Variants in TSPEAR observed in about 807,000 individuals in gnomAD.
TSPEAR encodes the protein thrombospondin type laminin G domain and EAR repeats.
TSPEAR carries 69 observed loss-of-function variants against 71.6 expected under a neutral mutation model. The observed-to-expected ratio is 0.96, with a 90% CI of 0.79 to 1.18. TSPEAR has a LOEUF of 1.18. TSPEAR is among the 50% of genes most tolerant of loss of function. TSPEAR has a pLI of 0.00. For missense variants in TSPEAR, 971 were observed against 894.9 expected (o/e 1.09, Z -1.09); for synonymous variants, 402 against 387.2 (o/e 1.04, Z -0.45).
intron 1 of TSPEAR, chr21:44,627,796 TGCTGCCAGCAGTCTG>T (rs782778184): frequency 6.2e-7 from 1 of 1,600,668 alleles, no homozygotes; most frequent in Non-Finnish European, 8.5e-7. Flanking sequence ...TTCCTCTTTG[TGCTGCCAGCAGTCTG>T]GCTGCCAGCC....
chr21:44,531,688 G>C (rs782317524), intron 3 of TSPEAR, among the ~76,000 whole-genome samples: 24 of 152,144 alleles, frequency 1.6e-4, no homozygotes, highest in South Asian at 4.1e-4. Flanking sequence ...ACCTGCACAG[G>C]GTCCTCCAGC....
chr21:44,547,667 G>A (rs1040718030), intron 2 of TSPEAR, among the ~76,000 whole-genome samples: 2 of 152,172 alleles, frequency 1.3e-5, no homozygotes, highest in Non-Finnish European at 2.9e-5. Context: ...TTAAACGCCT[G>A]GAATCAAAAA....
chr21:44,646,223 A>T (rs1329229585), intron 1 of TSPEAR, among the ~76,000 whole-genome samples: 1 of 151,770 alleles, frequency 6.6e-6, no homozygotes, highest in Non-Finnish European at 1.5e-5. Flanking sequence ...CCTGCGACAT[A>T]CATACCAGTT....
intron 2 of TSPEAR, chr21:44,558,091 C>T (rs587708489): frequency 2.4e-5 from 38 of 1,612,572 alleles, no homozygotes; most frequent in East Asian, 1.3e-4. Context: ...CCGCAGCACG[C>T]GGAAGAGAGG....
intron 9 of TSPEAR, among the ~76,000 whole-genome samples, chr21:44,511,310 CAT>C (rs1439057655): frequency 4.6e-5 from 7 of 152,214 alleles, no homozygotes; most frequent in Non-Finnish European, 7.3e-5. Flanking sequence ...CGCACACACA[CAT>C]GCACGCCTGC....
At chr21:44,617,578 G>A (rs17282700) in intron 1 of TSPEAR, among the ~76,000 whole-genome samples, 1,702 of 152,376 alleles carry the variant, frequency 0.011, 15 homozygotes, top group Non-Finnish European at 0.016. Context: ...TGCAGGCAAG[G>A]GATGCTGGCA....
rs569483298 is a variant in TSPEAR at position 44,683,755 on chromosome 21, A to G, written c.82+27678T>C. On this transcript the variant is annotated intron_variant, in intron 1 of 11. Transcript: ENST00000323084. ...AAACCTGATATGGTCTAGATATTGG[A>G]CATGGCAAATGATGACTGTAAGCAG... 2.8e-4 allele frequency among the ~76,000 whole-genome samples: 42 copies of G among 152,352 alleles called. 1 individual carries two copies. The South Asian group carries it at 3.1e-3, about 11-fold the overall frequency.
At chr21:44,543,396 A>G (rs1285137861) in intron 2 of TSPEAR, among the ~76,000 whole-genome samples, 1 of 152,250 alleles carries the variant, frequency 6.6e-6, no homozygotes, top group African/African-American at 2.4e-5. Flanking sequence ...GAGACTTTAA[A>G]AAGTCATGGA....
chr21:44,584,047 T>G (rs1160158213), intron 1 of TSPEAR, among the ~76,000 whole-genome samples: 2 of 152,234 alleles, frequency 1.3e-5, no homozygotes, highest in Non-Finnish European at 2.9e-5. Context: ...ACACCTGTAT[T>G]AATAATCGCT....
chr21:44,533,921 C>T lies in TSPEAR; in HGVS notation c.306G>A (p.Arg102=), dbSNP rs782275376. ...TLRVPNLPPK[R]NEYLLTVVAE... ...CCACCACCGTCAGCAGGTACTCGTTCCTCTGTGGAGAGCGGGCCAGGCTCA... is the reference window on the plus strand; with the variant it reads ...CCACCACCGTCAGCAGGTACTCGTTTCTCTGTGGAGAGCGGGCCAGGCTCA... The change falls in exon 3 of 12, where the codon AGG becomes AGA. Residue 102 remains arginine, a splice_region_variant and synonymous_variant. Coordinates refer to ENST00000323084, the MANE Select transcript of TSPEAR (RefSeq NM_144991.3). The T allele has an allele frequency of 1.9e-6, 3 of 1,610,452 alleles. No individual in the cohort carries two copies. The highest frequency in any genetic ancestry group is 2.7e-5 in the African/African-American group (2 of 74,572).
chr21:44,498,412 A>G lies in TSPEAR; in HGVS notation c.*1371T>C. ...TGGGAAAGCCTTGCTGGCTGGACGG[A>G]GGGGAAGGAGGCTCTCGGCGACTGC... On this transcript the variant is annotated 3_prime_UTR_variant, in exon 12 of 12. Transcript: ENST00000323084. 6.6e-6 allele frequency: 1 copy of G among 152,254 alleles called. No homozygotes were observed. The highest frequency in any genetic ancestry group is 1.5e-5 in the Non-Finnish European group (1 of 68,030). 9.4% of individuals were successfully genotyped at this position (152,254 alleles called of 1,614,324 possible).
intron 1 of TSPEAR, among the ~76,000 whole-genome samples, chr21:44,684,768 A>G (rs527825493): frequency 9.9e-4 from 151 of 152,356 alleles, no homozygotes; most frequent in Non-Finnish European, 1.7e-3. Flanking sequence ...TACAGGAAGG[A>G]GATGGGGGAA....
intron 1 of TSPEAR, among the ~76,000 whole-genome samples, chr21:44,678,395 C>T (rs1262799708): frequency 6.6e-6 from 1 of 152,052 alleles, no homozygotes; most frequent in Admixed American, 6.5e-5. Flanking sequence ...TCACCCCACC[C>T]ACACTGCTCC....
chr21:44,638,165 A>G, intron 1 of TSPEAR: 1 of 1,607,822 alleles, frequency 6.2e-7, no homozygotes, highest in Non-Finnish European at 8.5e-7. Context: ...CCAGAAGTCC[A>G]GCTGCTGACA....
intron 1 of TSPEAR, among the ~76,000 whole-genome samples, chr21:44,631,816 GCAGTGT>G (rs2146210209): frequency 6.6e-6 from 1 of 152,284 alleles, no homozygotes; most frequent in East Asian, 1.9e-4. Flanking sequence ...ACACTTAACA[GCAGTGT>G]CAGAAGAAGA....
chr21:44,617,598 C>T (rs990450083), intron 1 of TSPEAR, among the ~76,000 whole-genome samples: 1 of 152,230 alleles, frequency 6.6e-6, no homozygotes, highest in South Asian at 2.1e-4. Flanking sequence ...AAGGTGTGGC[C>T]GTGACCAGGT....
chr21:44,532,724 G>T (rs2052997474), intron 3 of TSPEAR, among the ~76,000 whole-genome samples: 1 of 152,182 alleles, frequency 6.6e-6, no homozygotes, highest in African/African-American at 2.4e-5. Flanking sequence ...TCCTGACATG[G>T]GTAACCAACT....
chr21:44,504,897 G>T lies in TSPEAR; in HGVS notation c.1755-16C>A. 6.3e-7 allele frequency: 1 copy of T among 1,593,790 alleles called. No homozygotes were observed. Among genetic ancestry groups the T allele is most frequent in the Non-Finnish European group, 8.6e-7 (1 of 1,162,186 alleles). On this transcript the variant is annotated splice_polypyrimidine_tract_variant and intron_variant, in intron 10 of 11. Coordinates refer to ENST00000323084, the MANE Select transcript of TSPEAR (RefSeq NM_144991.3). The stretch of plus-strand genomic sequence containing the variant: ...GTCCAGAGCACTGCAGGAACAAGTG[G>T]GTGGATATTAGGACACAACAGACAT...
intron 2 of TSPEAR, among the ~76,000 whole-genome samples, chr21:44,535,246 A>G (rs1555916265): frequency 6.6e-6 from 1 of 152,184 alleles, no homozygotes; most frequent in East Asian, 1.9e-4. Flanking sequence ...GTATTTTACC[A>G]CAATTAAAAA....
Sources: allele counts gnomAD v4.1 joint callset (sites outside exome capture counted in the v4.1 genomes callset), GRCh38; gene constraint gnomAD v4.1.1; transcripts MANE v1.5; gene names NCBI Gene and HGNC (gene_info 2026-07-23, HGNC 2026-07-21).